Variants in PIEZO2 observed in about 807,000 individuals in gnomAD.
PIEZO2 encodes the protein piezo-type mechanosensitive ion channel component 2.
In PIEZO2, 172 loss-of-function variants were observed where a neutral mutation model predicts 337.3. The ratio of observed to expected loss-of-function variants is 0.51; its 90% confidence interval spans 0.45 to 0.58. The LOEUF is 0.58. Ranked by LOEUF, PIEZO2 falls within the 20% of genes least tolerant of loss-of-function variation. The pLI is 0.00. For missense variants in PIEZO2, 3,028 were observed against 3,391.3 expected, an observed-to-expected ratio of 0.89 and a Z score of 2.66; for synonymous variants, 1,251 against 1,228.5, an observed-to-expected ratio of 1.02 and a Z score of -0.38.
At chr18:11,024,993 G>A (rs753211069) in intron 2 of PIEZO2, among the ~76,000 whole-genome samples, 38 of 151,510 alleles carry the variant, frequency 2.5e-4, no homozygotes, top group Admixed American at 1.5e-3. Context: ...GGCCTCCCAA[G>A]TTGAATGTAG....
At chr18:10,804,962 G>A (rs908842044) in intron 8 of PIEZO2, among the ~76,000 whole-genome samples, 4 of 152,100 alleles carry the variant, frequency 2.6e-5, no homozygotes, top group African/African-American at 9.7e-5. Context: ...TGCAGACCTC[G>A]TGATTTATAA....
intron 37 of PIEZO2, among the ~76,000 whole-genome samples, chr18:10,717,229 C>T (rs1047432484): frequency 2.6e-5 from 4 of 152,218 alleles, no homozygotes; most frequent in Non-Finnish European, 5.9e-5. Flanking sequence ...AGAAACAAGA[C>T]ATGTGATCTG....
chr18:11,020,927 C>T (rs1035181193), intron 2 of PIEZO2, among the ~76,000 whole-genome samples: 4 of 152,138 alleles, frequency 2.6e-5, no homozygotes, highest in African/African-American at 9.7e-5. Flanking sequence ...TAAACAACCC[C>T]TCTCCCCCAT....
At chr18:10,831,182 T>C (rs994550606) in intron 7 of PIEZO2, among the ~76,000 whole-genome samples, 1 of 151,940 alleles carries the variant, frequency 6.6e-6, no homozygotes, top group Non-Finnish European at 1.5e-5. Context: ...TAGGTATATA[T>C]CCAGAAAAAA....
At chr18:10,736,087 C>G (rs971159104) in intron 34 of PIEZO2, among the ~76,000 whole-genome samples, 1 of 152,140 alleles carries the variant, frequency 6.6e-6, no homozygotes, top group Non-Finnish European at 1.5e-5. Context: ...GCTGAAAAAA[C>G]CAGAACTGTG....
At position 10,952,758 on chromosome 18, in the gene PIEZO2, G is replaced by A. The variant is rs114224196; in HGVS notation, c.286+26777C>T. ...ATATGGTCAAATTTATAATATGTTGGAAGATTATTTTTCAAAGTGTCTATA... is the reference window on the plus strand; with the variant it reads ...ATATGGTCAAATTTATAATATGTTGAAAGATTATTTTTCAAAGTGTCTATA... On this transcript the variant is annotated intron_variant, in intron 3 of 55. Coordinates refer to ENST00000674853, the MANE Select transcript of PIEZO2 (RefSeq NM_001378183.1). This position sits in a 1 kb window ranked among gnomAD's most constrained non-coding sequence, Gnocchi z 4.1. 7.1e-3 allele frequency among the ~76,000 whole-genome samples: 1,074 copies of A among 152,268 alleles called. 24 individuals are homozygous for A. Among genetic ancestry groups the A allele is most frequent in the African/African-American group, 0.024 (1,011 of 41,558 alleles).
At position 10,795,978 on chromosome 18, in the gene PIEZO2, C is replaced by A. The variant is rs1052660290; in HGVS notation, c.1528-976G>T. On this transcript the variant is annotated intron_variant, in intron 12 of 55. Coordinates refer to ENST00000674853, the MANE Select transcript of PIEZO2 (RefSeq NM_001378183.1). This position sits in a 1 kb window ranked among gnomAD's most constrained non-coding sequence, Gnocchi z 4.4. ...GGTCTGTTTTGAAGGTGTGATGTTG[C>A]AGATGGTGAGTAGAAACACACATAA... Among the ~76,000 whole-genome samples the A allele has an allele frequency of 6.6e-6, 1 of 151,976 alleles. No individual in the cohort carries two copies. The highest frequency in any genetic ancestry group is 1.5e-5 in the Non-Finnish European group (1 of 67,994).
In PIEZO2 at chr18:10,763,081, A is replaced by G. The variant is rs200998919; in HGVS notation, c.2964T>C (p.Tyr988=). The change falls in exon 22 of 56, where the codon TAT becomes TAC. Residue 988 remains tyrosine (Y), a synonymous_variant. Coordinates refer to ENST00000674853, the MANE Select transcript of PIEZO2 (RefSeq NM_001378183.1). ...VSVKEVSLFN[Y]VFLISWAFAL... is the part of the protein sequence containing the mutation. Reference sequence around the variant, plus strand: ...CAAAAGCCCAAGAAATCAAAAATACATAGTTGAACAGAGACACCTGAAAAC... The same window carrying G: ...CAAAAGCCCAAGAAATCAAAAATACGTAGTTGAACAGAGACACCTGAAAAC... 5.6e-4 allele frequency: 863 copies of G among 1,537,226 alleles called. 5 individuals carry two copies. The highest frequency in any genetic ancestry group is 4.3e-3 in the Middle Eastern group (26 of 5,990).
rs1195795307 is a variant in PIEZO2 at position 11,106,233 on chromosome 18, CCCA to C, written c.65-40014_65-40012del. Among the ~76,000 whole-genome samples the C allele has an allele frequency of 8.6e-5, 13 of 151,352 alleles. No homozygotes were observed. In the East Asian group the frequency reaches 2.3e-3, roughly 27 times the overall value. The stretch of plus-strand genomic sequence containing the variant: ...TCCCGAGTAGCTGGGACTACAGGCG[CCCA>C]CCACCACGCCCAGCTAATTTTTTGT... On this transcript the variant is annotated intron_variant, in intron 1 of 55. Coordinates refer to ENST00000674853, the MANE Select transcript of PIEZO2 (RefSeq NM_001378183.1).
At position 10,795,355 on chromosome 18, in the gene PIEZO2, T is replaced by G. The variant is rs1568066578; in HGVS notation, c.1528-353A>C. Among the ~76,000 whole-genome samples the G allele has an allele frequency of 5.8e-5, 2 of 34,208 alleles. No individual in the cohort carries two copies. Among genetic ancestry groups the G allele is most frequent in the Non-Finnish European group, 1.4e-4 (2 of 14,492 alleles). The allele number at this position is 34,208 out of a possible 152,430, so 22.4% of individuals were successfully genotyped here. On this transcript the variant is annotated intron_variant, in intron 12 of 55. Transcript: ENST00000674853. This position sits in a 1 kb window ranked among gnomAD's most constrained non-coding sequence, Gnocchi z 4.4. ...TATTTTATTTTATTTTATTTTATTA[T>G]TTTATTTTATTTTATTTTATTTTAT...
intron 52 of PIEZO2, among the ~76,000 whole-genome samples, chr18:10,678,320 G>T (rs530181721): frequency 5.9e-5 from 9 of 152,172 alleles, no homozygotes; most frequent in Non-Finnish European, 1.0e-4. Context: ...GCTCTTTAAA[G>T]AAAAGGCTAG....
At chr18:10,922,026 AT>A (rs200919300) in intron 3 of PIEZO2, among the ~76,000 whole-genome samples, 2,839 of 152,176 alleles carry the variant, frequency 0.019, 77 homozygotes, top group African/African-American at 0.063. Context: ...TTCATTAGCA[AT>A]TTTAATTTTG....
chr18:10,950,147 T>C (rs536359160), intron 3 of PIEZO2, among the ~76,000 whole-genome samples: 2 of 152,294 alleles, frequency 1.3e-5, no homozygotes, highest in African/African-American at 4.8e-5. Flanking sequence ...ATATTGAAAA[T>C]AAATTATGAA....
intron 3 of PIEZO2, among the ~76,000 whole-genome samples, chr18:10,974,086 A>G (rs750852634): frequency 6.6e-5 from 10 of 152,284 alleles, no homozygotes; most frequent in Non-Finnish European, 1.5e-4. Flanking sequence ...GAGTATACAC[A>G]GCAGTGGCTC....
intron 3 of PIEZO2, among the ~76,000 whole-genome samples, chr18:10,961,241 G>A (rs1328324378): frequency 6.6e-6 from 1 of 151,938 alleles, no homozygotes; most frequent in African/African-American, 2.4e-5. Context: ...GCCATAAAAA[G>A]TAATGAATTA....
intron 2 of PIEZO2, among the ~76,000 whole-genome samples, chr18:11,040,251 G>A (rs758473404): frequency 6.9e-6 from 1 of 145,942 alleles, no homozygotes; most frequent in Non-Finnish European, 1.5e-5. Context: ...TATTATTATT[G>A]ACACCTTACG....
intron 7 of PIEZO2, among the ~76,000 whole-genome samples, chr18:10,809,475 G>A (rs952005359): frequency 1.4e-4 from 21 of 151,518 alleles, no homozygotes; most frequent in East Asian, 1.4e-3. Context: ...TAACCATGTT[G>A]GCCAGGATGG....
chr18:10,906,180 C>T (rs2029905285), intron 4 of PIEZO2, among the ~76,000 whole-genome samples: 1 of 152,136 alleles, frequency 6.6e-6, no homozygotes, highest in South Asian at 2.1e-4. Context: ...AGGCTATTTT[C>T]AGGGTGATTT....
rs2034318947 is a variant in PIEZO2, at chr18:10,682,658, G to A, written c.7498-366C>T. The stretch of plus-strand genomic sequence containing the variant: ...TCTGGTTTTAAGGGATTATGTGAGA[G>A]AAAGATACTTTACTTTCAATTCCTG... On this transcript the variant is annotated intron_variant, in intron 49 of 55. Transcript: ENST00000674853. This position sits in a 1 kb window ranked among gnomAD's most constrained non-coding sequence, Gnocchi z 5.6. Among the ~76,000 whole-genome samples the A allele has an allele frequency of 6.6e-6, 1 of 152,208 alleles. No homozygotes were observed. The highest frequency in any genetic ancestry group is 6.5e-5 in the Admixed American group (1 of 15,286).
Sources: allele counts gnomAD v4.1 joint callset (sites outside exome capture counted in the v4.1 genomes callset), GRCh38; gene constraint gnomAD v4.1.1; non-coding constraint Gnocchi (gnomAD v3.1); transcripts MANE v1.5; gene names NCBI Gene and HGNC (gene_info 2026-07-23, HGNC 2026-07-21).